The following UBR4 variants were observed in gnomAD, a reference collection of about 807,000 sequenced individuals.
UBR4 encodes the protein E3 ubiquitin-protein ligase UBR4.
In UBR4, 124 loss-of-function variants were observed where a neutral mutation model predicts 575.6. That is an observed-to-expected ratio of 0.22 (90% confidence interval 0.19 to 0.25). The LOEUF (loss-of-function observed/expected upper bound fraction) is 0.25, where lower values mean the gene tolerates loss of function less well. UBR4 is among the 10% of genes least tolerant of loss of function. The probability of loss-of-function intolerance (pLI) is 1.00; values close to 1 mark genes in which losing one functional copy is unlikely to be tolerated. For missense variants in UBR4, 4,818 were observed against 6,478.8 expected (o/e 0.74, Z 8.80); for synonymous variants, 2,455 against 2,473.7 (o/e 0.99, Z 0.22).
At position 19,192,497 on chromosome 1, in the gene UBR4, C is replaced by T. The variant is rs200140861; in HGVS notation, c.1187G>A (p.Arg396His). The T allele has an allele frequency of 3.7e-5, 60 of 1,614,006 alleles. No individual in the cohort carries two copies. The highest frequency in any genetic ancestry group is 3.3e-5 in the Admixed American group (2 of 60,002). ...GCTTCTTACCTCACCACCAGCCCGGCGAGAACTGCTGATTGCTTGTCCAAT... is the reference window on the plus strand; with the variant it reads ...GCTTCTTACCTCACCACCAGCCCGGTGAGAACTGCTGATTGCTTGTCCAAT... ...DMIGQAISSSRRAGGEHYQNF... is the reference protein window; with the variant it reads ...DMIGQAISSSHRAGGEHYQNF... The change falls in exon 10 of 106, where the codon CGC becomes CAC. Residue 396 changes from arginine to histidine, a missense_variant. Physicochemically the swap from Arg to His is conservative, Grantham distance 29. Transcript: ENST00000375254.
At chr1:19,113,446 C>A in intron 77 of UBR4, 1 of 530,500 alleles carries the variant, frequency 1.9e-6, no homozygotes, top group Admixed American at 3.5e-5. Flanking sequence ...CTAAAAAAAA[C>A]CCTTATCTGT....
Position 19,123,012 on chromosome 1 carries a change from G to A in UBR4, c.9637C>T (p.Leu3213Phe). ...TTGGATCCACAGATGAAGAGCAGAA[G>A]TTTGCGGACTTGACGGCGCACAAAT... ...TPFVRRQVRK[L>F]LLFICGSKEK... Residue 3213 changes from leucine to phenylalanine, a missense_variant, in exon 66 of 106, where the codon CTT (leucine) becomes TTT (phenylalanine). By Grantham distance (22) the Leu-to-Phe change is conservative (BLOSUM62 0). This residue lies in a region of UBR4 where 550 missense variants were observed against 791.5 expected (regional missense o/e 0.69). Transcript: ENST00000375254. 1.2e-6 allele frequency: 2 copies of A among 1,614,218 alleles called. No individual in the cohort carries two copies. The highest frequency in any genetic ancestry group is 1.1e-5 in the South Asian group (1 of 91,080).
In UBR4 at chr1:19,113,740, C is replaced by T; in HGVS notation, c.11416G>A (p.Asp3806Asn). The change falls in exon 77 of 106, where the codon GAC becomes AAC. Residue 3806 changes from aspartate to asparagine, a missense_variant. Physicochemically the swap from Asp to Asn is conservative, Grantham distance 23 (BLOSUM62 1). Transcript: ENST00000375254. Reference sequence around the variant, plus strand: ...AGTTCATCAAAAGAGTTCTTGCAGTCTCCACAATACTCCTGAGCCAACTGC... The same window carrying T: ...AGTTCATCAAAAGAGTTCTTGCAGTTTCCACAATACTCCTGAGCCAACTGC... Reference protein sequence around the residue: ...ILQLAQEYCGDCKNSFDELSK... With the variant: ...ILQLAQEYCGNCKNSFDELSK... 1 of 1,614,210 alleles carries T rather than the reference C, an allele frequency of 6.2e-7. No individual in the cohort carries two copies. The highest frequency in any genetic ancestry group is 1.3e-5 in the African/African-American group (1 of 75,058).
At chr1:19,130,166 T>C (rs1347151606) in intron 60 of UBR4, among the ~76,000 whole-genome samples, 2 of 152,204 alleles carry the variant, frequency 1.3e-5, no homozygotes, top group African/African-American at 4.8e-5. Context: ...CAGTGAGCTA[T>C]GATCATACCA....
intron 73 of UBR4, among the ~76,000 whole-genome samples, chr1:19,116,725 A>C (rs2080580894): frequency 6.6e-6 from 1 of 152,198 alleles, no homozygotes; most frequent in Non-Finnish European, 1.5e-5. Context: ...ACTGGGATAC[A>C]TGGGCTAGGA....
In UBR4 at chr1:19,176,664, G is replaced by A. The variant is rs138990690; in HGVS notation, c.2701C>T (p.Arg901Cys). Residue 901 changes from arginine to cysteine, a missense_variant, in exon 20 of 106, where the codon CGC (arginine) becomes TGC (cysteine). Arg to Cys is a radical substitution (Grantham distance 180). Transcript: ENST00000375254. ...WASGSQDSNS[R>C]RATTPLYHGF... ...TGATAGAGAGGAGTGGTTGCCCGGC[G>A]GCTGTTGCTGTCCTGGGATCCACTT... 182 of 1,614,052 alleles carry A rather than the reference G, an allele frequency of 1.1e-4. 2 individuals carry two copies. In the South Asian group the frequency reaches 1.2e-3, roughly 11 times the overall value.
intron 20 of UBR4, 87 bp from the exon 21 acceptor site, chr1:19,175,120 A>T (rs2090083583): frequency 1.6e-6 from 2 of 1,282,126 alleles, no homozygotes; most frequent in South Asian, 2.7e-5. Flanking sequence ...AAAATACTTT[A>T]TAATAAGGTT....
chr1:19,145,503 ACT>A (rs67987332), intron 53 of UBR4, among the ~76,000 whole-genome samples: 66,077 of 149,608 alleles, frequency 0.44, 14,995 homozygotes, highest in East Asian at 0.76. Flanking sequence ...ATTATAAACC[ACT>A]GAGACACACA....
Position 19,155,558 on chromosome 1 carries a change from A to T in UBR4, c.6183T>A (p.Ile2061=). The change falls in exon 43 of 106, where the codon ATT becomes ATA. Residue 2061 remains isoleucine (I), a synonymous_variant. Transcript: ENST00000375254. ...TGTACCCAGCCGAAGACATTATAAC[A>T]ATGATGTTCTTTCCCTCCTCATTGA... ...FLFNEEGKNI[I]VIMSSAGYIY... 1 of 1,614,132 alleles carries T rather than the reference A, an allele frequency of 6.2e-7. No homozygotes were observed.
chr1:19,148,733 C>T, intron 49 of UBR4, 107 bp from the exon 50 acceptor site: 1 of 1,203,128 alleles, frequency 8.3e-7, no homozygotes, highest in Non-Finnish European at 1.2e-6. Flanking sequence ...CTAATGAATG[C>T]CAAATACAAA....
At chr1:19,133,782 C>CAA (rs56737453) in intron 60 of UBR4, among the ~76,000 whole-genome samples, 17 of 141,868 alleles carry the variant, frequency 1.2e-4, no homozygotes, top group African/African-American at 1.3e-4. Context: ...GCTGTCTCAA[C>CAA]AAAAAAAAAA....
Position 19,187,229 on chromosome 1 carries a change from G to T in UBR4, c.1567C>A (p.Arg523=), listed in dbSNP as rs1344530028. 1 of 1,613,928 alleles carries T rather than the reference G, an allele frequency of 6.2e-7. No individual in the cohort carries two copies. The highest frequency in any genetic ancestry group is 2.2e-5 in the East Asian group (1 of 44,870). Residue 523 remains arginine, a synonymous_variant, in exon 13 of 106, where the codon CGG becomes AGG. Coordinates refer to ENST00000375254, the MANE Select transcript of UBR4 (RefSeq NM_020765.3). ...ATCAGTGGGACAGAGTCAATCAGCC[G>T]TTGAATCCTCTGTATGGAGGTGCTC... ...AQSTSIQRIQ[R]LIDSVPLMNL...
rs777775858 is a variant in UBR4 at position 19,144,001 on chromosome 1, G to A, written c.8158C>T (p.Pro2720Ser). The A allele has an allele frequency of 6.2e-7, 1 of 1,613,668 alleles. No individual in the cohort carries two copies. The highest frequency in any genetic ancestry group is 1.3e-5 in the African/African-American group (1 of 74,880). Residue 2720 changes from proline to serine, a missense_variant, in exon 55 of 106, where the codon CCT (proline) becomes TCT (serine). By Grantham distance (74) the Pro-to-Ser change is moderately conservative. Transcript: ENST00000375254. The part of the protein sequence containing the change: ...KRRHVTLPSS[P>S]RSNTPMGDKD... ...TTACCCATTGGAGTGTTGCTTCGAG[G>A]GGAAGAGGGTAAAGTCACATGTCTC...
intron 18 of UBR4, among the ~76,000 whole-genome samples, chr1:19,178,144 A>G (rs2090478885): frequency 6.6e-6 from 1 of 152,302 alleles, no homozygotes; most frequent in Admixed American, 6.5e-5. Context: ...ACTTTTCCCC[A>G]TATTTTGATT....
intron 77 of UBR4, 26 bp downstream of exon 77, chr1:19,113,673 C>A (rs2080163237): frequency 3.1e-6 from 5 of 1,613,196 alleles, no homozygotes; most frequent in Admixed American, 1.7e-5. Context: ...ACAAAACACA[C>A]CCAAAAGCTG....
chr1:19,133,801 G>A (rs1262640887), intron 60 of UBR4, among the ~76,000 whole-genome samples: 1 of 151,790 alleles, frequency 6.6e-6, no homozygotes, highest in Non-Finnish European at 1.5e-5. Context: ...AAACTAGGCT[G>A]GGTACGGTGG....
At chr1:19,086,649 A>C (rs1157648847) in intron 100 of UBR4, 30 bp downstream of exon 100, 1 of 1,610,904 alleles carries the variant, frequency 6.2e-7, no homozygotes, top group Non-Finnish European at 8.5e-7. Context: ...GGCCTACTGA[A>C]GGAGCCATTC....
rs1490491405 is a variant in UBR4, at chr1:19,089,108, C to T, written c.14212-131G>A. 2 of 883,344 alleles carry T rather than the reference C, an allele frequency of 2.3e-6. No homozygotes were observed. The highest frequency in any genetic ancestry group is 3.5e-6 in the Non-Finnish European group (2 of 578,378). 54.7% of individuals were successfully genotyped at this position (883,344 alleles called of 1,614,324 possible). ...TCACCTGCTCAGCTGCAATCAGGTCCTTTGATTCCACACTTTGACAGACAC... is the reference window on the plus strand; with the variant it reads ...TCACCTGCTCAGCTGCAATCAGGTCTTTTGATTCCACACTTTGACAGACAC... On this transcript the variant is annotated intron_variant, in intron 97 of 105. Transcript: ENST00000375254. This position sits in a 1 kb window ranked among gnomAD's most constrained non-coding sequence, Gnocchi z 4.3.
intron 13 of UBR4, 103 bp from the exon 14 acceptor site, chr1:19,186,760 G>T: frequency 9.1e-7 from 1 of 1,094,280 alleles, no homozygotes; most frequent in Non-Finnish European, 1.3e-6. Flanking sequence ...AAATCCAAGA[G>T]TATGCCTCTT....
Sources: allele counts gnomAD v4.1 joint callset (sites outside exome capture counted in the v4.1 genomes callset), GRCh38; gene constraint gnomAD v4.1.1; regional missense constraint gnomAD v4.1.1; non-coding constraint Gnocchi (gnomAD v3.1); transcripts MANE v1.5; gene names NCBI Gene and HGNC (gene_info 2026-07-23, HGNC 2026-07-21).